The following TAFA5 variants were observed in gnomAD, a reference collection of about 807,000 sequenced individuals.
TAFA5 encodes the protein chemokine-like protein TAFA-5.
Under a neutral mutation model 15.3 loss-of-function variants are expected in TAFA5, and 6 were observed. That is an observed-to-expected ratio of 0.39 (90% CI 0.21 to 0.77). TAFA5 has a LOEUF of 0.77. Ranked by LOEUF, TAFA5 falls within the 30% of genes least tolerant of loss-of-function variation. The pLI is 0.41. For missense variants in TAFA5, 161 were observed against 193.1 expected (o/e 0.83, Z 0.98); for synonymous variants, 103 against 80.7 (o/e 1.28, Z -1.48).
intron 1 of TAFA5, among the ~76,000 whole-genome samples, chr22:48,640,240 G>A (rs1569059873): frequency 6.6e-6 from 1 of 152,172 alleles, no homozygotes; most frequent in Non-Finnish European, 1.5e-5. Context: ...TCCCAGGCAG[G>A]TCTACCATGC....
intron 1 of TAFA5, among the ~76,000 whole-genome samples, chr22:48,564,866 G>A (rs900268359): frequency 2.0e-5 from 3 of 152,202 alleles, no homozygotes; most frequent in African/African-American, 4.8e-5. Flanking sequence ...GGGTGCCTTC[G>A]GTGCCACGCA....
At chr22:48,579,809 C>G (rs1342273346) in intron 1 of TAFA5, among the ~76,000 whole-genome samples, 4 of 152,216 alleles carry the variant, frequency 2.6e-5, no homozygotes, top group African/African-American at 9.6e-5. Flanking sequence ...GCCACCCAGG[C>G]AGGCCACAGC....
chr22:48,632,306 C>T (rs28568858), intron 1 of TAFA5, among the ~76,000 whole-genome samples: 6 of 152,218 alleles, frequency 3.9e-5, no homozygotes, highest in Non-Finnish European at 8.8e-5. Flanking sequence ...GTTAATCCCG[C>T]GGGGTGATTT....
At chr22:48,504,391 G>A (rs1920973442) in intron 1 of TAFA5, among the ~76,000 whole-genome samples, 1 of 152,232 alleles carries the variant, frequency 6.6e-6, no homozygotes, top group Admixed American at 6.5e-5. Flanking sequence ...AAGACTTCCG[G>A]GGGCTGGGCA....
intron 1 of TAFA5, among the ~76,000 whole-genome samples, chr22:48,523,131 G>A (rs373106842): frequency 2.6e-5 from 4 of 152,192 alleles, no homozygotes; most frequent in Admixed American, 6.5e-5. Flanking sequence ...CAGCTCACGG[G>A]CCTCCATCTC....
intron 1 of TAFA5, among the ~76,000 whole-genome samples, chr22:48,520,935 A>T (rs1252771348): frequency 6.6e-6 from 1 of 152,160 alleles, no homozygotes; most frequent in Non-Finnish European, 1.5e-5. Flanking sequence ...CAGGCAGGTG[A>T]GGACCTGTCC....
chr22:48,629,070 C>G (rs1238884864), intron 1 of TAFA5, among the ~76,000 whole-genome samples: 2 of 152,192 alleles, frequency 1.3e-5, no homozygotes, highest in Non-Finnish European at 2.9e-5. Context: ...CCTCCGCAGG[C>G]CCTGCCGGCG....
chr22:48,692,479 G>T (rs897842476), intron 2 of TAFA5, among the ~76,000 whole-genome samples: 2 of 152,140 alleles, frequency 1.3e-5, no homozygotes, highest in Non-Finnish European at 2.9e-5. Flanking sequence ...GCCCAGGCTG[G>T]TCTCAAACTC....
At chr22:48,728,502 TA>T in intron 3 of TAFA5, among the ~76,000 whole-genome samples, 1 of 152,338 alleles carries the variant, frequency 6.6e-6, no homozygotes, top group African/African-American at 2.4e-5. Context: ...AGGGCTTTTG[TA>T]AGCATTGGAT....
At chr22:48,563,271 C>A (rs1011549964) in intron 1 of TAFA5, among the ~76,000 whole-genome samples, 1 of 152,140 alleles carries the variant, frequency 6.6e-6, no homozygotes, top group Non-Finnish European at 1.5e-5. Flanking sequence ...CGGGGACCAC[C>A]GTGGGCGCTT....
At chr22:48,575,701 C>T (rs1303245146) in intron 1 of TAFA5, among the ~76,000 whole-genome samples, 1 of 145,192 alleles carries the variant, frequency 6.9e-6, no homozygotes, top group Non-Finnish European at 1.5e-5. Flanking sequence ...GAGGCGCGGG[C>T]TGCTGGGAGC....
intron 1 of TAFA5, among the ~76,000 whole-genome samples, chr22:48,622,142 A>G (rs1035331218): frequency 6.6e-6 from 1 of 152,170 alleles, no homozygotes; most frequent in African/African-American, 2.4e-5. Flanking sequence ...ACAGGAGTGC[A>G]TGAGAACCCA....
chr22:48,646,553 T>C, intron 1 of TAFA5, 44 bp from the exon 2 acceptor site: 1 of 1,600,368 alleles, frequency 6.2e-7, no homozygotes, highest in African/African-American at 1.3e-5. Flanking sequence ...CTGTGGGGTG[T>C]CTGTAACGTG....
rs1012689595 is a variant in TAFA5 at position 48,552,548 on chromosome 22, G to C, written c.112+62844G>C. Among the ~76,000 whole-genome samples the C allele has an allele frequency of 6.6e-6, 1 of 152,038 alleles. No individual in the cohort carries two copies. ...TCAGGACATGGAGACTTCACAGCCC[G>C]GCGGAACCCACGCCCATGCCCAGCT... On this transcript the variant is annotated intron_variant, in intron 1 of 3. Transcript: ENST00000402357. The surrounding 1 kb of genome is among the most constrained non-coding windows in gnomAD (Gnocchi z 4.1).
At chr22:48,679,794 C>T (rs1210624683) in intron 2 of TAFA5, among the ~76,000 whole-genome samples, 3 of 152,156 alleles carry the variant, frequency 2.0e-5, no homozygotes, top group Non-Finnish European at 4.4e-5. Flanking sequence ...CCATCCCTCT[C>T]CTGGTGTGGC....
intron 3 of TAFA5, among the ~76,000 whole-genome samples, chr22:48,730,496 T>A (rs1247622784): frequency 6.6e-6 from 1 of 152,230 alleles, no homozygotes; most frequent in African/African-American, 2.4e-5. Context: ...TCTGCTTTAT[T>A]GCACTTTGCA....
intron 1 of TAFA5, among the ~76,000 whole-genome samples, chr22:48,636,285 G>T (rs1045235015): frequency 6.6e-6 from 1 of 152,236 alleles, no homozygotes; most frequent in Non-Finnish European, 1.5e-5. Flanking sequence ...GCTGTTCCGT[G>T]GGGGAACCGG....
chr22:48,592,870 G>A (rs763810215), intron 1 of TAFA5, among the ~76,000 whole-genome samples: 64 of 152,140 alleles, frequency 4.2e-4, no homozygotes, highest in East Asian at 2.3e-3. Flanking sequence ...TGTGTGTTCC[G>A]TGGTGGTCCC....
chr22:48,588,852 C>T (rs980371363), intron 1 of TAFA5, among the ~76,000 whole-genome samples: 2 of 152,016 alleles, frequency 1.3e-5, no homozygotes, highest in Non-Finnish European at 2.9e-5. Context: ...GCCAACCTGG[C>T]CCCCCGTGAT....
Sources: gnomAD v4.1 joint callset for allele counts (sites outside exome capture counted in the v4.1 genomes callset) on GRCh38, gnomAD v4.1.1 for gene constraint, Gnocchi (gnomAD v3.1) non-coding constraint, MANE v1.5 for transcripts, NCBI Gene and HGNC (gene_info 2026-07-23, HGNC 2026-07-21) for gene names.